ZNF510: variants seen among roughly 807,000 people sequenced by gnomAD.
ZNF510 encodes zinc finger protein 510.
In ZNF510, 15 loss-of-function variants were observed where a neutral mutation model predicts 18.1. The ratio of observed to expected loss-of-function variants is 0.83; its 90% CI spans 0.55 to 1.28. The LOEUF (loss-of-function observed/expected upper bound fraction) is 1.28, where lower values mean the gene tolerates loss of function less well. Ranked by LOEUF, ZNF510 falls within the 50% of genes most tolerant of loss-of-function variation. The pLI is 0.00. For missense variants in ZNF510, 724 were observed against 791.8 expected, an observed-to-expected ratio of 0.91 and a Z score of 1.03; for synonymous variants, 261 against 266.4, an observed-to-expected ratio of 0.98 and a Z score of 0.20.
chr9:96,758,520 C>T lies in ZNF510; in HGVS notation c.*258G>A. 2.6e-6 allele frequency: 1 copy of T among 388,120 alleles called. No individual in the cohort carries two copies. The allele number at this position is 388,120 out of a possible 1,614,324, so 24.0% of individuals were successfully genotyped here. A position where few individuals can be genotyped will look rare whatever the true frequency, so the allele number is the denominator to read the frequency against. On this transcript the variant is annotated 3_prime_UTR_variant, in exon 6 of 6. Coordinates refer to ENST00000223428, the MANE Select transcript of ZNF510 (RefSeq NM_014930.3). ...GGAGCTATCTAATAGGGTATGACTTCATTCAGGCCTATCCATAGTACTCTG... is the reference window on the plus strand; with the variant it reads ...GGAGCTATCTAATAGGGTATGACTTTATTCAGGCCTATCCATAGTACTCTG...
chr9:96,759,159 A>G lies in ZNF510; in HGVS notation c.1671T>C (p.Asp557=). 6.2e-7 allele frequency: 1 copy of G among 1,612,834 alleles called. No individual in the cohort carries two copies. The highest frequency in any genetic ancestry group is 1.1e-5 in the South Asian group (1 of 91,000). Residue 557 remains aspartate, a synonymous_variant, in exon 6 of 6, where the codon GAT becomes GAC. Coordinates refer to ENST00000223428, the MANE Select transcript of ZNF510 (RefSeq NM_014930.3). ...GAGTTTTCTGATGTTGAATGAGATG[A>G]TCTTTTCGCCAGAAGGATTTTTCAC... ...NECEKSFWRK[D]HLIQHQKTHT...
chr9:96,760,772 G>C (rs1351678896), intron 5 of ZNF510, among the ~76,000 whole-genome samples: 2 of 152,090 alleles, frequency 1.3e-5, no homozygotes, highest in Admixed American at 1.3e-4. Context: ...GCGTTTTATA[G>C]GGGTAGTTAT....
rs575363340 is a variant in ZNF510, at chr9:96,754,619, C to G, written c.*4159G>C. On this transcript the variant is annotated 3_prime_UTR_variant, in exon 6 of 6. Transcript: ENST00000223428. Reference sequence around the variant, plus strand: ...GTTGACAAAGATCTGAAGAACAGTTCTGTACACTTCTGAAGATTAAGAACA... The same window carrying G: ...GTTGACAAAGATCTGAAGAACAGTTGTGTACACTTCTGAAGATTAAGAACA... Among the ~76,000 whole-genome samples, 4 of 152,244 alleles carry G rather than the reference C, an allele frequency of 2.6e-5. No homozygotes were observed. The South Asian group carries it at 6.2e-4, about 24-fold the overall frequency.
Position 96,766,450 on chromosome 9 carries a change from C to T in ZNF510, c.130-2818G>A, listed in dbSNP as rs200795863. ...TCATTTGTTTATGTATTATCTATGG[C>T]TGCTTAACACTACAGCTGCAGAGTT... On this transcript the variant is annotated intron_variant, in intron 3 of 5. Coordinates refer to ENST00000223428, the MANE Select transcript of ZNF510 (RefSeq NM_014930.3). Among the ~76,000 whole-genome samples, 10 of 150,696 alleles carry T rather than the reference C, an allele frequency of 6.6e-5. No individual in the cohort carries two copies. The East Asian group carries it at 2.0e-3, about 29-fold the overall frequency.
chr9:96,764,508 ATTGT>A (rs1219877541), intron 3 of ZNF510, among the ~76,000 whole-genome samples: 1 of 152,210 alleles, frequency 6.6e-6, no homozygotes. Context: ...ATCATGTTGC[ATTGT>A]TTATGGCTGT....
At chr9:96,770,681 G>C (rs1282988679) in intron 3 of ZNF510, among the ~76,000 whole-genome samples, 1 of 151,974 alleles carries the variant, frequency 6.6e-6, no homozygotes. Flanking sequence ...GAAATGTCCA[G>C]AATAGCCAAA....
intron 5 of ZNF510, 147 bp from the exon 6 acceptor site, chr9:96,760,624 C>T (rs1849323066): frequency 4.7e-6 from 3 of 639,390 alleles, no homozygotes; most frequent in African/African-American, 1.9e-5. Flanking sequence ...ATATATATCT[C>T]AGACCACCCT....
In ZNF510 at chr9:96,760,460, C is replaced by A. The variant is rs1214206985; in HGVS notation, c.370G>T (p.Asp124Tyr). 6.2e-7 allele frequency: 1 copy of A among 1,606,208 alleles called. No individual in the cohort carries two copies. The highest frequency in any genetic ancestry group is 1.1e-5 in the South Asian group (1 of 90,106). The change falls in exon 6 of 6, where the codon GAC (aspartate) becomes TAC (tyrosine). Residue 124 changes from aspartate to tyrosine, a missense_variant. Physicochemically the swap from Asp to Tyr is radical, Grantham distance 160 (BLOSUM62 -3). Transcript: ENST00000223428. ...QSHPKDYRGDDLIKQNKKIKD... is the reference protein window; with the variant it reads ...QSHPKDYRGDYLIKQNKKIKD... ...ATTTTCTTGTTCTGCTTGATCAGGTCATCACCTCTGTAATCTTCTAAAACA... is the reference window on the plus strand; with the variant it reads ...ATTTTCTTGTTCTGCTTGATCAGGTAATCACCTCTGTAATCTTCTAAAACA...
In ZNF510 at chr9:96,757,435, T is replaced by C. The variant is rs1181087621; in HGVS notation, c.*1343A>G. 1 of 152,210 alleles carries C rather than the reference T, an allele frequency of 6.6e-6. No homozygotes were observed. Among genetic ancestry groups the C allele is most frequent in the Non-Finnish European group, 1.5e-5 (1 of 68,042 alleles). The allele number at this position is 152,210 out of a possible 1,614,324, so 9.4% of individuals were successfully genotyped here. ...AAAGGATGTCTTTTCCACAATTCTC[T>C]GATCATATTTGAGGTTCTCCTTGAC... On this transcript the variant is annotated 3_prime_UTR_variant, in exon 6 of 6. Coordinates refer to ENST00000223428, the MANE Select transcript of ZNF510 (RefSeq NM_014930.3).
intron 2 of ZNF510, 145 bp downstream of exon 2, chr9:96,775,855 G>A (rs1373144819): frequency 1.7e-5 from 16 of 965,200 alleles, no homozygotes; most frequent in Non-Finnish European, 2.4e-5. Flanking sequence ...TGAAGAAAAT[G>A]GGGGCTCTAT....
rs1434893730 is a variant in ZNF510 at position 96,763,608 on chromosome 9, T to A, written c.154A>T (p.Thr52Ser). Residue 52 changes from threonine (T) to serine (S), a missense_variant, in exon 4 of 6, where the codon ACT becomes TCT. Physicochemically the swap from Thr to Ser is moderately conservative, Grantham distance 58 (BLOSUM62 1). Transcript: ENST00000223428. The stretch of plus-strand genomic sequence containing the variant: ...CACTCCTCCTGGGTGAATTCTATAG[T>A]CACGTCCTTGAATGACACTGATGCC... ...SQASVSFKDV[T>S]IEFTQEEWQQ... is the part of the protein sequence containing the mutation. 1 of 1,613,134 alleles carries A rather than the reference T, an allele frequency of 6.2e-7. No individual in the cohort carries two copies. The highest frequency in any genetic ancestry group is 1.1e-5 in the South Asian group (1 of 90,928).
intron 3 of ZNF510, among the ~76,000 whole-genome samples, chr9:96,773,732 C>T (rs1425118556): frequency 5.9e-5 from 9 of 152,152 alleles, no homozygotes; most frequent in Non-Finnish European, 1.2e-4. Flanking sequence ...CCCGCCACCA[C>T]GCCCGGCTAA....
At chr9:96,761,902 G>A (rs1205932980) in intron 5 of ZNF510, among the ~76,000 whole-genome samples, 1 of 151,982 alleles carries the variant, frequency 6.6e-6, no homozygotes, top group Non-Finnish European at 1.5e-5. Flanking sequence ...ATTCTTTTAT[G>A]TATTCCAGAG....
In ZNF510 at chr9:96,760,010, T is replaced by G; in HGVS notation, c.820A>C (p.Ser274Arg). The change falls in exon 6 of 6, where the codon AGT becomes CGT. Residue 274 changes from serine to arginine, a missense_variant. Transcript: ENST00000223428. ...NDKANCVKHNSSHTGETSSKD... is the reference protein window; with the variant it reads ...NDKANCVKHNRSHTGETSSKD... ...GAGGATGTTTCTCCTGTGTGAGAACTGTTATGTTTAACACAGTTAGCCTTA... is the reference window on the plus strand; with the variant it reads ...GAGGATGTTTCTCCTGTGTGAGAACGGTTATGTTTAACACAGTTAGCCTTA... The G allele has an allele frequency of 6.2e-7, 1 of 1,613,130 alleles. No homozygotes were observed. Among genetic ancestry groups the G allele is most frequent in the Non-Finnish European group, 8.5e-7 (1 of 1,179,932 alleles).
Position 96,759,154 on chromosome 9 carries a change from A to G in ZNF510, c.1676T>C (p.Leu559Pro), listed in dbSNP as rs1849271227. Residue 559 changes from leucine (L) to proline (P), a missense_variant, in exon 6 of 6, where the codon CTC (leucine) becomes CCC (proline). Coordinates refer to ENST00000223428, the MANE Select transcript of ZNF510 (RefSeq NM_014930.3). The part of the protein sequence containing the change: ...CEKSFWRKDH[L>P]IQHQKTHTGE... Reference sequence around the variant, plus strand: ...CGTGTGAGTTTTCTGATGTTGAATGAGATGATCTTTTCGCCAGAAGGATTT... The same window carrying G: ...CGTGTGAGTTTTCTGATGTTGAATGGGATGATCTTTTCGCCAGAAGGATTT... The G allele has an allele frequency of 6.2e-7, 1 of 1,613,962 alleles. No individual in the cohort carries two copies. Among genetic ancestry groups the G allele is most frequent in the Admixed American group, 1.7e-5 (1 of 59,976 alleles).
rs1023835689 is a variant in ZNF510 at position 96,776,175 on chromosome 9, G to A, written c.-106C>T. 4 of 1,490,580 alleles carry A rather than the reference G, an allele frequency of 2.7e-6. No homozygotes were observed. In the East Asian group the frequency reaches 7.7e-5, roughly 29 times the overall value. The allele number at this position is 1,490,580 out of a possible 1,614,324, so 92.3% of individuals were successfully genotyped here. ...TCTTCTGCATCTGTTTGGAAGCCCTGGTGAGGAGGTCTCTGTTCTGTCAGA... is the reference window on the plus strand; with the variant it reads ...TCTTCTGCATCTGTTTGGAAGCCCTAGTGAGGAGGTCTCTGTTCTGTCAGA... On this transcript the variant is annotated 5_prime_UTR_variant, in exon 2 of 6. Transcript: ENST00000223428.
At chr9:96,770,473 G>A (rs928052292) in intron 3 of ZNF510, among the ~76,000 whole-genome samples, 14 of 151,714 alleles carry the variant, frequency 9.2e-5, no homozygotes, top group African/African-American at 3.4e-4. Context: ...ATGACGGTGG[G>A]TGCCTGTAAT....
rs140451833 is a variant in ZNF510, at chr9:96,763,212, C to A, written c.258G>T (p.Gly86=). The A allele has an allele frequency of 4.6e-5, 74 of 1,613,694 alleles. No homozygotes were observed. The highest frequency in any genetic ancestry group is 6.2e-5 in the Non-Finnish European group (73 of 1,179,786). ...TCACCTCTGGTTTGAAACAGCAGTA[C>A]CCTGTTAATAAAACACAATCGAGGA... ...LENYSNLVSV[G]YCCFKPEVIF... is the part of the protein sequence containing the mutation. Residue 86 remains glycine, a splice_region_variant and synonymous_variant, in exon 5 of 6, where the codon GGG becomes GGT. Coordinates refer to ENST00000223428, the MANE Select transcript of ZNF510 (RefSeq NM_014930.3).
rs1372906211 is a variant in ZNF510 at position 96,775,926 on chromosome 9, G to A, written c.70+74C>T. The A allele has an allele frequency of 2.6e-6, 4 of 1,538,118 alleles. No individual in the cohort carries two copies. The East Asian group carries it at 7.2e-5, about 28-fold the overall frequency. On this transcript the variant is annotated intron_variant, in intron 2 of 5. Coordinates refer to ENST00000223428, the MANE Select transcript of ZNF510 (RefSeq NM_014930.3). ...GGTTATGCCTTCCTTGGAGACCATG[G>A]AGAAAAGCCCTCCAGTAATGTGGCT...
Sources: gnomAD v4.1 joint callset for allele counts (sites outside exome capture counted in the v4.1 genomes callset) on GRCh38, gnomAD v4.1.1 for gene constraint, MANE v1.5 for transcripts, NCBI Gene and HGNC (gene_info 2026-07-23, HGNC 2026-07-21) for gene names.